Variants in RGS12 observed in about 807,000 individuals in gnomAD.
RGS12 encodes the protein regulator of G protein signaling 12.
RGS12 carries 66 observed loss-of-function variants against 120.1 expected under a neutral mutation model. The ratio of observed to expected loss-of-function variants is 0.55; its 90% CI spans 0.45 to 0.67. The LOEUF (loss-of-function observed/expected upper bound fraction) is 0.67, where lower values mean the gene tolerates loss of function less well. RGS12 is among the 30% of genes least tolerant of loss of function. The pLI, the probability that RGS12 is intolerant of heterozygous loss-of-function variation, is 0.00. For synonymous variants in RGS12, 827 were observed against 804.7 expected, an observed-to-expected ratio of 1.03 and a Z score of -0.47; for missense variants, 1,859 against 1,957.7, an observed-to-expected ratio of 0.95 and a Z score of 0.95.
chr4:3,317,761 T>G lies in RGS12; in HGVS notation c.1591T>G (p.Cys531Gly), dbSNP rs763245282. Residue 531 changes from cysteine to glycine, a missense_variant, in exon 2 of 18, where the codon TGT (cysteine) becomes GGT (glycine). Cys to Gly is a radical substitution (Grantham distance 159). Around this residue, in one of 3 missense-constraint regions of RGS12, gnomAD observed 967 missense variants for 994.2 expected, o/e 0.97. Transcript: ENST00000336727. Reference sequence around the variant, plus strand: ...CAAGAGGGGCACCGTGGGTGCTGGCTGTGGTTTCAACCAGCGCTGGCTCCC... The same window carrying G: ...CAAGAGGGGCACCGTGGGTGCTGGCGGTGGTTTCAACCAGCGCTGGCTCCC... ...PSKRGTVGAG[C>G]GFNQRWLPVH... 6.2e-7 allele frequency: 1 copy of G among 1,613,550 alleles called. No individual in the cohort carries two copies. The highest frequency in any genetic ancestry group is 2.2e-5 in the East Asian group (1 of 44,886).
At chr4:3,288,049 C>T (rs192431838), upstream of RGS12, among the ~76,000 whole-genome samples, 6 of 152,338 alleles carry the variant, frequency 3.9e-5, no homozygotes, top group Admixed American at 1.3e-4. The surrounding 1 kb of genome is among the most constrained non-coding windows in gnomAD (Gnocchi z 5.2). Flanking sequence ...GCCGAGCCGT[C>T]GAGAGACACC....
chr4:3,400,065 A>T (rs1307787908), intron 4 of RGS12, among the ~76,000 whole-genome samples: 1 of 152,154 alleles, frequency 6.6e-6, no homozygotes, highest in Non-Finnish European at 1.5e-5. Context: ...ATCTTCCACA[A>T]GGGGGGGCAA....
intron 4 of RGS12, among the ~76,000 whole-genome samples, chr4:3,412,349 G>A (rs898297514): frequency 7.2e-5 from 11 of 152,298 alleles, no homozygotes; most frequent in African/African-American, 2.2e-4. Flanking sequence ...TCTGCCTGTC[G>A]CCTACAGCAC....
At chr4:3,339,794 G>A (rs1236612308) in intron 2 of RGS12, among the ~76,000 whole-genome samples, 2 of 152,210 alleles carry the variant, frequency 1.3e-5, no homozygotes, top group African/African-American at 4.8e-5. Context: ...GTGATGGCCT[G>A]TGTGCATGGC....
intron 1 of RGS12, among the ~76,000 whole-genome samples, chr4:3,297,421 A>G (rs962763541): frequency 6.6e-6 from 1 of 152,224 alleles, no homozygotes; most frequent in Admixed American, 6.5e-5. Context: ...TTTAAAGCTT[A>G]AGACATTCTT....
rs556539491 is a variant in RGS12 at position 3,429,934 on chromosome 4, C to T, written c.3566-473C>T. Among the ~76,000 whole-genome samples, 14 of 152,272 alleles carry T rather than the reference C, an allele frequency of 9.2e-5. No individual in the cohort carries two copies. In the South Asian group the frequency reaches 2.7e-3, roughly 29 times the overall value. On this transcript the variant is annotated intron_variant, in intron 16 of 17. Transcript: ENST00000336727. ...CCGTCTCAGGGCCTTCCTCTACCAC[C>T]CCTCCTCGGGTTCATTCTGCTCCCG...
chr4:3,308,321 G>A (rs552502311), intron 1 of RGS12, among the ~76,000 whole-genome samples: 287 of 152,372 alleles, frequency 1.9e-3, no homozygotes, highest in South Asian at 5.0e-3. Context: ...TGTCCTCGAC[G>A]CGAGGGATTC....
At chr4:3,342,355 T>C in intron 2 of RGS12, 1 of 1,179,976 alleles carries the variant, frequency 8.5e-7, no homozygotes, top group Non-Finnish European at 1.1e-6. Context: ...TAGATGTTTG[T>C]CGAATTGAAT....
chr4:3,315,876 C>A (rs775581569), intron 1 of RGS12, among the ~76,000 whole-genome samples, 194 bp from the exon 2 acceptor site: 3 of 152,210 alleles, frequency 2.0e-5, no homozygotes, highest in Admixed American at 2.0e-4. Context: ...AACAAGGTAG[C>A]AGTTGTGGGA....
At position 3,430,486 on chromosome 4, in the gene RGS12, G is replaced by A; in HGVS notation, c.3645G>A (p.Val1215=). Residue 1215 remains valine, a synonymous_variant, in exon 17 of 18, where the codon GTG becomes GTA. Coordinates refer to ENST00000336727, the MANE Select transcript of RGS12 (RefSeq NM_001394154.1). ...GGCTGCTAAGGAAGGAAGACCTGGT[G>A]TTGCCAGAGTTCCTCCGTTTACCTC... ...QRGLLRKEDL[V]LPEFLRLPPG... 6.2e-7 allele frequency: 1 copy of A among 1,613,880 alleles called. No individual in the cohort carries two copies. Among genetic ancestry groups the A allele is most frequent in the Non-Finnish European group, 8.5e-7 (1 of 1,180,022 alleles).
chr4:3,416,180 C>T, intron 7 of RGS12, 59 bp downstream of exon 7: 1 of 1,584,904 alleles, frequency 6.3e-7, no homozygotes, highest in South Asian at 1.1e-5. Context: ...GGTATAGGGT[C>T]CACCTTCAAA....
intron 4 of RGS12, chr4:3,413,201 G>A (rs565592809): frequency 7.1e-6 from 1 of 140,110 alleles, no homozygotes; most frequent in Non-Finnish European, 1.6e-5. Flanking sequence ...GGACGGGGGC[G>A]CCCCCACACT....
rs150739035 is a variant in RGS12, at chr4:3,430,577, G to A, written c.3736G>A (p.Ala1246Thr). 16 of 1,612,856 alleles carry A rather than the reference G, an allele frequency of 9.9e-6. No homozygotes were observed. The highest frequency in any genetic ancestry group is 3.3e-5 in the South Asian group (3 of 91,074). Residue 1246 changes from alanine (A) to threonine (T), a missense_variant, in exon 17 of 18, where the codon GCC (alanine) becomes ACC (threonine). Physicochemically the swap from Ala to Thr is moderately conservative, Grantham distance 58. This residue lies in a region of RGS12 where 517 missense variants were observed against 488.5 expected (regional missense o/e 1.06). Coordinates refer to ENST00000336727, the MANE Select transcript of RGS12 (RefSeq NM_001394154.1). ...AVAKGFSKRS[A>T]TGNGRESASQ... ...GGCCAAGGGCTTTAGCAAGAGAAGC[G>A]CCACAGGCAACGGCCGGGAGAGCGC...
intron 17 of RGS12, among the ~76,000 whole-genome samples, chr4:3,436,106 C>T (rs1724782081): frequency 6.6e-6 from 1 of 150,854 alleles, no homozygotes; most frequent in African/African-American, 2.4e-5. Context: ...TGGCTGGGGA[C>T]CCACACGGAC....
rs141143466 is a variant in RGS12, at chr4:3,429,074, A to G, written c.3565+363A>G. On this transcript the variant is annotated intron_variant, in intron 16 of 17. Transcript: ENST00000336727. ...CAGCGTGACTGGAGGCACAGTTAGC[A>G]TTAGAGAGTCCACCCTAGGCAGAGC... Among the ~76,000 whole-genome samples the G allele has an allele frequency of 9.2e-4, 140 of 152,328 alleles. 1 individual carries two copies. Among genetic ancestry groups the G allele is most frequent in the African/African-American group, 3.2e-3 (134 of 41,580 alleles).
At chr4:3,322,211 G>A (rs1017239852) in intron 2 of RGS12, among the ~76,000 whole-genome samples, 2 of 152,190 alleles carry the variant, frequency 1.3e-5, no homozygotes, top group African/African-American at 4.8e-5. Context: ...CCTGCACACC[G>A]AGCCACGTGG....
intron 17 of RGS12, 92 bp from the exon 18 acceptor site, chr4:3,439,363 C>A: frequency 8.0e-7 from 1 of 1,249,806 alleles, no homozygotes; most frequent in Non-Finnish European, 1.2e-6. Context: ...CCCTACCATG[C>A]TGTCTGTGCA....
chr4:3,394,227 A>C (rs562657697), intron 4 of RGS12, among the ~76,000 whole-genome samples: 2 of 151,978 alleles, frequency 1.3e-5, no homozygotes, highest in East Asian at 3.9e-4. Flanking sequence ...CAGTGGTGCA[A>C]TCTTGACTCA....
chr4:3,294,618 G>A (rs970052902), intron 1 of RGS12, among the ~76,000 whole-genome samples: 1 of 152,200 alleles, frequency 6.6e-6, no homozygotes, highest in Non-Finnish European at 1.5e-5. Context: ...TTGGCTGAGG[G>A]CAGGGGCTCA....
Sources: gnomAD v4.1 joint callset for allele counts (sites outside exome capture counted in the v4.1 genomes callset) on GRCh38, gnomAD v4.1.1 for gene constraint, gnomAD v4.1.1 regional missense constraint, Gnocchi (gnomAD v3.1) non-coding constraint, MANE v1.5 for transcripts, NCBI Gene and HGNC (gene_info 2026-07-23, HGNC 2026-07-21) for gene names.